CCDC57: variants seen among roughly 807,000 people sequenced by gnomAD.
CCDC57 encodes the protein coiled-coil domain-containing protein 57.
CCDC57 carries 118 observed loss-of-function variants against 118.9 expected under a neutral mutation model. That is an observed-to-expected ratio of 0.99 (90% CI 0.86 to 1.16). The LOEUF (loss-of-function observed/expected upper bound fraction) is 1.16. Ranked by LOEUF, CCDC57 falls within the 50% of genes most tolerant of loss-of-function variation. The probability of loss-of-function intolerance (pLI) is 0.00; values close to 1 mark genes in which losing one functional copy is unlikely to be tolerated. For missense variants in CCDC57, 1,300 were observed against 1,320.7 expected (o/e 0.98, Z 0.24); for synonymous variants, 527 against 532.9 (o/e 0.99, Z 0.15).
intron 13 of CCDC57, among the ~76,000 whole-genome samples, chr17:82,167,092 A>T (rs1470599078): frequency 6.6e-6 from 1 of 152,180 alleles, no homozygotes; most frequent in East Asian, 1.9e-4. Flanking sequence ...AATTTGAACA[A>T]GAGAGAAAAC....
intron 19 of CCDC57, among the ~76,000 whole-genome samples, chr17:82,105,341 G>C (rs989337516): frequency 6.6e-6 from 1 of 152,152 alleles, no homozygotes; most frequent in South Asian, 2.1e-4. Flanking sequence ...GGGTCCTCAC[G>C]CACCCAAGAT....
intron 16 of CCDC57, among the ~76,000 whole-genome samples, chr17:82,136,198 T>G (rs939096733): frequency 6.6e-6 from 1 of 152,064 alleles, no homozygotes; most frequent in Non-Finnish European, 1.5e-5. Context: ...CAAATGTCCA[T>G]CAAACTGATG....
chr17:82,160,779 CAGG>C (rs1459479168), intron 14 of CCDC57, among the ~76,000 whole-genome samples: 2 of 147,350 alleles, frequency 1.4e-5, no homozygotes, highest in African/African-American at 5.0e-5. Flanking sequence ...GAGGCTGAGG[CAGG>C]AGAATTCCTT....
In CCDC57 at chr17:82,206,562, T is replaced by TG. The variant is rs148584937; in HGVS notation, c.-9+1284dup. 7.5e-3 allele frequency among the ~76,000 whole-genome samples: 1,134 copies of TG among 151,538 alleles called. 10 individuals are homozygous for TG. The highest frequency in any genetic ancestry group is 0.027 in the African/African-American group (1,105 of 41,418). On this transcript the variant is annotated intron_variant, in intron 2 of 19. Coordinates refer to ENST00000665763, the Ensembl canonical transcript of CCDC57. ...TTCCTGGGGAGTGGTGGGTGGGGTGTGGGGGGGTCCTCCAGGAAGCCTCTT... is the reference window on the plus strand; with the variant it reads ...TTCCTGGGGAGTGGTGGGTGGGGTGTGGGGGGGGTCCTCCAGGAAGCCTCTT...
chr17:82,195,434 A>ACGTG, intron 4 of CCDC57, 70 bp from the exon 4 acceptor site: 13 of 1,221,412 alleles, frequency 1.1e-5, no homozygotes, highest in Non-Finnish European at 1.3e-5. Flanking sequence ...ACGTCCTGGG[A>ACGTG]GGTGGGATCC....
intron 14 of CCDC57, among the ~76,000 whole-genome samples, chr17:82,161,925 A>C (rs2043389035): frequency 6.6e-6 from 1 of 152,352 alleles, no homozygotes; most frequent in South Asian, 2.1e-4. Flanking sequence ...AATGTGCTTA[A>C]TGCCACTGAA....
intron 7 of CCDC57, among the ~76,000 whole-genome samples, chr17:82,190,764 G>A (rs1233314774): frequency 1.3e-5 from 2 of 149,682 alleles, no homozygotes; most frequent in Admixed American, 6.7e-5. Flanking sequence ...GAACCCATGA[G>A]TTCAACAGCA....
chr17:82,137,734 C>T (rs966881698), intron 16 of CCDC57, among the ~76,000 whole-genome samples: 5 of 147,548 alleles, frequency 3.4e-5, no homozygotes, highest in Admixed American at 2.7e-4. Flanking sequence ...AGTGCAGTGG[C>T]GCAATCTCGG....
intron 8 of CCDC57, among the ~76,000 whole-genome samples, chr17:82,186,449 ACAGAGGTCGCCCCGCACACCGACCG>A (rs1568410766): frequency 3.9e-5 from 6 of 152,268 alleles, no homozygotes; most frequent in Admixed American, 3.9e-4. Flanking sequence ...TATACCGACC[ACAGAGGTCGCCCCGCACACCGACCG>A]CAGAGGCTTT....
rs2038837215 is a variant in CCDC57 at position 82,134,202 on chromosome 17, T to C, written c.2456-8A>G. The C allele has an allele frequency of 7.6e-7, 1 of 1,318,484 alleles. No individual in the cohort carries two copies. Among genetic ancestry groups the C allele is most frequent in the Admixed American group, 4.0e-5 (1 of 25,168 alleles). 81.7% of individuals were successfully genotyped at this position (1,318,484 alleles called of 1,614,324 possible). On this transcript the variant is annotated splice_polypyrimidine_tract_variant and splice_region_variant and intron_variant, in intron 16 of 19. Transcript: ENST00000665763. ...CGTGGTGCAACAGCCACCCTGGGAA[T>C]GGGATGGGGACAGAGTTTGTTCTCT... is the stretch of plus-strand genomic sequence containing the variant.
At chr17:82,128,426 C>T in intron 18 of CCDC57, 67 bp downstream of exon 17, 3 of 1,155,040 alleles carry the variant, frequency 2.6e-6, no homozygotes, top group Non-Finnish European at 2.5e-6. Flanking sequence ...CCAGAGCACC[C>T]AGGCCCCGGC....
intron 4 of CCDC57, among the ~76,000 whole-genome samples, chr17:82,197,613 C>T (rs1417452562): frequency 2.0e-5 from 3 of 152,082 alleles, no homozygotes; most frequent in South Asian, 2.1e-4. Context: ...CTGAGGTGTG[C>T]TGGTTAATTC....
chr17:82,120,361 G>A (rs780810936), intron 19 of CCDC57, among the ~76,000 whole-genome samples: 6 of 152,028 alleles, frequency 3.9e-5, no homozygotes, highest in Non-Finnish European at 8.8e-5. Context: ...CATGGAACAC[G>A]TTTAAAAAAG....
At chr17:82,207,276 T>C (rs1028607047) in intron 2 of CCDC57, among the ~76,000 whole-genome samples, 2 of 151,548 alleles carry the variant, frequency 1.3e-5, no homozygotes, top group South Asian at 2.1e-4. Context: ...GAGGCTGCAG[T>C]GAGCTGTGAT....
chr17:82,121,166 G>C (rs1022871074), intron 19 of CCDC57, among the ~76,000 whole-genome samples: 1 of 152,206 alleles, frequency 6.6e-6, no homozygotes, highest in Non-Finnish European at 1.5e-5. Flanking sequence ...CAGGAGGATT[G>C]CTTGAGGCCA....
At chr17:82,127,514 G>A (rs566166936) in intron 19 of CCDC57, 178 bp downstream of exon 18, 541 of 985,444 alleles carry the variant, frequency 5.5e-4, no homozygotes, top group Non-Finnish European at 6.0e-4. Context: ...ACCATAACCC[G>A]GGAAACACTC....
intron 1 of CCDC57, among the ~76,000 whole-genome samples, chr17:82,211,651 C>A (rs2050187615): frequency 1.3e-5 from 2 of 151,764 alleles, no homozygotes; most frequent in South Asian, 4.2e-4. Flanking sequence ...GGTGTGGTAC[C>A]CTACTTTGTT....
At chr17:82,134,531 C>A (rs1467856622) in intron 16 of CCDC57, among the ~76,000 whole-genome samples, 1 of 152,122 alleles carries the variant, frequency 6.6e-6, no homozygotes, top group Admixed American at 6.6e-5. Context: ...CGGAGGCTCA[C>A]GTCTGTAATC....
intron 16 of CCDC57, among the ~76,000 whole-genome samples, chr17:82,134,611 T>C (rs1645960086): frequency 1.3e-5 from 2 of 152,068 alleles, no homozygotes; most frequent in Admixed American, 1.3e-4. Context: ...CTGGCCAACA[T>C]GGTGAAACTC....
Sources: allele counts gnomAD v4.1 joint callset (sites outside exome capture counted in the v4.1 genomes callset), GRCh38; gene constraint gnomAD v4.1.1; transcripts MANE v1.5; gene names NCBI Gene and HGNC (gene_info 2026-07-23, HGNC 2026-07-21).